Variants in RXFP2 observed in about 807,000 individuals in gnomAD.
The protein encoded by RXFP2 is relaxin family peptide receptor 2.
Under a neutral mutation model 88.6 loss-of-function variants are expected in RXFP2, and 68 were observed. That is an observed-to-expected ratio of 0.77 (90% CI 0.63 to 0.94). The LOEUF (loss-of-function observed/expected upper bound fraction) is 0.94, where lower values mean the gene tolerates loss of function less well. Ranked by LOEUF, RXFP2 falls within the 40% of genes least tolerant of loss-of-function variation. The pLI is 0.00. For synonymous variants in RXFP2, 329 were observed against 306.8 expected (o/e 1.07, Z -0.76); for missense variants, 791 against 893.9 (o/e 0.88, Z 1.47).
intron 17 of RXFP2, among the ~76,000 whole-genome samples, chr13:31,799,065 T>G (rs1874198600): frequency 6.6e-6 from 1 of 152,116 alleles, no homozygotes; most frequent in Admixed American, 6.5e-5. Flanking sequence ...GAGGCGTGTA[T>G]GTCTTATTCT....
intron 17 of RXFP2, among the ~76,000 whole-genome samples, chr13:31,799,403 G>C (rs368748886): frequency 1.3e-5 from 2 of 152,012 alleles, no homozygotes; most frequent in Non-Finnish European, 2.9e-5. Context: ...GTAGAGACAG[G>C]GTTTCACCAT....
intron 1 of RXFP2, among the ~76,000 whole-genome samples, chr13:31,743,712 C>T (rs553644516): frequency 5.7e-4 from 86 of 151,922 alleles, no homozygotes; most frequent in African/African-American, 1.8e-3. Flanking sequence ...GATGCTCTCC[C>T]GGCCTGTCTT....
intron 1 of RXFP2, among the ~76,000 whole-genome samples, chr13:31,748,679 T>C (rs1300294759): frequency 6.6e-6 from 1 of 152,120 alleles, no homozygotes; most frequent in Non-Finnish European, 1.5e-5. Context: ...ACTCTCTTAA[T>C]GATGACTTTT....
At position 31,792,690 on chromosome 13, in the gene RXFP2, T is replaced by C; in HGVS notation, c.1388T>C (p.Leu463Pro). 1 of 1,614,140 alleles carries C rather than the reference T, an allele frequency of 6.2e-7. No homozygotes were observed. The highest frequency in any genetic ancestry group is 8.5e-7 in the Non-Finnish European group (1 of 1,179,996). Reference protein sequence around the residue: ...SIKILCCADCLMGVYLFFVGI... With the variant: ...SIKILCCADCPMGVYLFFVGI... ...AATTCTTCCACAGGTGCTGATTGCC[T>C]GATGGGTGTTTACTTGTTCTTTGTT... The change falls in exon 16 of 18, where the codon CTG becomes CCG. Residue 463 changes from leucine (L) to proline (P), a missense_variant. Coordinates refer to ENST00000298386, the MANE Select transcript of RXFP2 (RefSeq NM_130806.5).
chr13:31,775,998 G>C (rs760459998), intron 7 of RXFP2, among the ~76,000 whole-genome samples: 3 of 152,188 alleles, frequency 2.0e-5, no homozygotes, highest in South Asian at 2.1e-4. Flanking sequence ...CCTTCTGTGT[G>C]CCTGGCCCTT....
chr13:31,789,079 G>A (rs745637532), intron 13 of RXFP2, 43 bp from the exon 14 acceptor site: 46 of 1,216,198 alleles, frequency 3.8e-5, no homozygotes, highest in East Asian at 3.3e-4. Context: ...TTATTAAAAC[G>A]TTTCATCTCA....
At chr13:31,786,269 A>C in intron 11 of RXFP2, 114 bp from the exon 12 acceptor site, 1 of 838,578 alleles carries the variant, frequency 1.2e-6, no homozygotes, top group East Asian at 2.6e-5. Flanking sequence ...CAGGTTGGTT[A>C]AATTGGATTC....
chr13:31,742,313 A>G (rs539984751), intron 1 of RXFP2, among the ~76,000 whole-genome samples: 3 of 152,314 alleles, frequency 2.0e-5, no homozygotes, highest in Admixed American at 2.0e-4. Flanking sequence ...GCCAGACTCA[A>G]GGCATGCCTG....
intron 10 of RXFP2, 125 bp downstream of exon 10, chr13:31,781,867 C>T (rs1873299128): frequency 4.2e-6 from 3 of 708,210 alleles, no homozygotes; most frequent in African/African-American, 1.8e-5. Context: ...CACTGCAGTG[C>T]TAGAAAATGC....
intron 5 of RXFP2, among the ~76,000 whole-genome samples, chr13:31,774,386 T>C (rs1566226854): frequency 4.6e-5 from 7 of 152,184 alleles, no homozygotes. Flanking sequence ...CACATCACAC[T>C]GGAGTTCAGC....
intron 7 of RXFP2, among the ~76,000 whole-genome samples, chr13:31,776,220 G>GCCTGC (rs1209104327): frequency 9.8e-6 from 1 of 102,032 alleles, no homozygotes; most frequent in East Asian, 2.6e-4. Flanking sequence ...TTGTTTGCTT[G>GCCTGC]CTTGCCTTCC....
chr13:31,778,602 A>T lies in RXFP2; in HGVS notation c.785+19A>T. 1.3e-6 allele frequency: 2 copies of T among 1,556,476 alleles called. No homozygotes were observed. The highest frequency in any genetic ancestry group is 1.8e-6 in the Non-Finnish European group (2 of 1,127,882). On this transcript the variant is annotated intron_variant, in intron 9 of 17. Coordinates refer to ENST00000298386, the MANE Select transcript of RXFP2 (RefSeq NM_130806.5). ...ACTGGGTGTGAGTATTTATTTAGGA[A>T]TTAATTTGTTATTTGCCCTGATTAA... is the stretch of plus-strand genomic sequence containing the variant.
At chr13:31,788,111 G>C (rs1231577912) in intron 13 of RXFP2, among the ~76,000 whole-genome samples, 1 of 150,420 alleles carries the variant, frequency 6.6e-6, no homozygotes, top group African/African-American at 2.4e-5. Flanking sequence ...AGCTAAAACT[G>C]TGTAAGTCAA....
intron 5 of RXFP2, among the ~76,000 whole-genome samples, chr13:31,768,896 A>G (rs1216765662): frequency 6.6e-6 from 1 of 151,900 alleles, no homozygotes; most frequent in Non-Finnish European, 1.5e-5. Context: ...CAATGACCCA[A>G]ATAACAAATG....
At chr13:31,754,847 T>C (rs143016136) in intron 1 of RXFP2, among the ~76,000 whole-genome samples, 9 of 130,848 alleles carry the variant, frequency 6.9e-5, no homozygotes, top group African/African-American at 2.4e-4. Context: ...GCTTTTATTT[T>C]AGTCCCTATT....
chr13:31,765,892 T>C, intron 4 of RXFP2, 64 bp from the exon 5 acceptor site: 2 of 786,914 alleles, frequency 2.5e-6, no homozygotes, highest in Non-Finnish European at 4.4e-6. Flanking sequence ...AGCATGTGGC[T>C]TCTAGGGAAG....
At chr13:31,784,940 G>C (rs1242397725) in intron 11 of RXFP2, among the ~76,000 whole-genome samples, 1 of 152,110 alleles carries the variant, frequency 6.6e-6, no homozygotes, top group African/African-American at 2.4e-5. Context: ...CCAACTCCCA[G>C]GCCTTGTTGC....
chr13:31,755,936 T>C (rs1469597989), intron 1 of RXFP2, among the ~76,000 whole-genome samples: 2 of 152,138 alleles, frequency 1.3e-5, no homozygotes, highest in Non-Finnish European at 2.9e-5. Flanking sequence ...GACCCAGAGG[T>C]TGTGGCCACA....
At chr13:31,755,370 A>G (rs537920949) in intron 1 of RXFP2, among the ~76,000 whole-genome samples, 1 of 152,160 alleles carries the variant, frequency 6.6e-6, no homozygotes, top group South Asian at 2.1e-4. Flanking sequence ...TTTTGTTTTC[A>G]TTATGTGGAT....
Sources: allele counts gnomAD v4.1 joint callset (sites outside exome capture counted in the v4.1 genomes callset), GRCh38; gene constraint gnomAD v4.1.1; transcripts MANE v1.5; gene names NCBI Gene and HGNC (gene_info 2026-07-23, HGNC 2026-07-21).